The following BCAS3 variants were observed in gnomAD, a reference collection of about 807,000 sequenced individuals.
BCAS3 encodes BCAS4/BCAS3 fusion.
Under a neutral mutation model 116.1 loss-of-function variants are expected in BCAS3, and 53 were observed. The observed-to-expected ratio is 0.46, with a 90% CI of 0.37 to 0.57. The LOEUF (loss-of-function observed/expected upper bound fraction) is 0.57, where lower values mean the gene tolerates loss of function less well. Ranked by LOEUF, BCAS3 falls within the 20% of genes least tolerant of loss-of-function variation. The pLI, the probability that BCAS3 is intolerant of heterozygous loss-of-function variation, is 0.00. For missense variants in BCAS3, 917 were observed against 1,165.4 expected (o/e 0.79, Z 3.10); for synonymous variants, 391 against 408.2 (o/e 0.96, Z 0.51).
At chr17:61,002,706 AT>A (rs1256078475) in intron 15 of BCAS3, 1 of 152,062 alleles carries the variant, frequency 6.6e-6, no homozygotes, top group Non-Finnish European at 1.5e-5. Flanking sequence ...ATAGAGGCAA[AT>A]TTTTTAGTTA....
rs1031701395 is a variant in BCAS3 at position 61,056,309 on chromosome 17, G to T, written c.2029+15417G>T. 6.6e-6 allele frequency among the ~76,000 whole-genome samples: 1 copy of T among 152,178 alleles called. No homozygotes were observed. Among genetic ancestry groups the T allele is most frequent in the Admixed American group, 6.5e-5 (1 of 15,278 alleles). ...CCGCGAGTTGGAGTCTTGACCACCA[G>T]TAACTAACTGTGTGGCCTTAGTACA... On this transcript the variant is annotated intron_variant, in intron 19 of 23. Coordinates refer to ENST00000407086, the MANE Select transcript of BCAS3 (RefSeq NM_017679.5). This position sits in a 1 kb window ranked among gnomAD's most constrained non-coding sequence, Gnocchi z 4.9.
intron 22 of BCAS3, among the ~76,000 whole-genome samples, chr17:61,304,702 C>A (rs2053702862): frequency 6.6e-6 from 1 of 152,132 alleles, no homozygotes; most frequent in African/African-American, 2.4e-5. Flanking sequence ...AATTGAACAT[C>A]CAACATGTCT....
Position 61,118,465 on chromosome 17 carries a change from G to A in BCAS3, c.2425+33901G>A, listed in dbSNP as rs907884534. Among the ~76,000 whole-genome samples, 2 of 152,174 alleles carry A rather than the reference G, an allele frequency of 1.3e-5. No homozygotes were observed. The highest frequency in any genetic ancestry group is 2.9e-5 in the Non-Finnish European group (2 of 68,032). On this transcript the variant is annotated intron_variant, in intron 22 of 23. Transcript: ENST00000407086. The surrounding 1 kb of genome is among the most constrained non-coding windows in gnomAD (Gnocchi z 5.0). ...CATTTGTCCTGCACCAAAACTGCAC[G>A]TGTGTGTTAGGAGGTGGTTCTTGTT... is the stretch of plus-strand genomic sequence containing the variant.
chr17:60,695,583 C>A (rs995066031), intron 4 of BCAS3, among the ~76,000 whole-genome samples: 1 of 152,100 alleles, frequency 6.6e-6, no homozygotes, highest in African/African-American at 2.4e-5. Context: ...AACCACCATA[C>A]TGTTTTCCAT....
intron 4 of BCAS3, among the ~76,000 whole-genome samples, chr17:60,698,333 T>C (rs2035916883): frequency 1.3e-5 from 2 of 151,884 alleles, no homozygotes; most frequent in Admixed American, 1.3e-4. Flanking sequence ...TCTACAAAAT[T>C]AAGGTTTTTG....
rs1471164719 is a variant in BCAS3, at chr17:61,214,834, T to A, written c.2425+130270T>A. On this transcript the variant is annotated intron_variant, in intron 22 of 23. Coordinates refer to ENST00000407086, the MANE Select transcript of BCAS3 (RefSeq NM_017679.5). The surrounding 1 kb of genome is among the most constrained non-coding windows in gnomAD (Gnocchi z 4.4). ...ACTGAAAGCTAATTCTTCAGAAGAG[T>A]ATGTTCTAGCTAAGGGTGTACTATA... is the stretch of plus-strand genomic sequence containing the variant. 6.6e-6 allele frequency among the ~76,000 whole-genome samples: 1 copy of A among 152,200 alleles called. No homozygotes were observed. Among genetic ancestry groups the A allele is most frequent in the East Asian group, 1.9e-4 (1 of 5,200 alleles).
Position 61,313,682 on chromosome 17 carries a change from C to T in BCAS3, c.2426-54645C>T, listed in dbSNP as rs1045946062. Among the ~76,000 whole-genome samples the T allele has an allele frequency of 1.3e-5, 2 of 152,174 alleles. No homozygotes were observed. The highest frequency in any genetic ancestry group is 2.9e-5 in the Non-Finnish European group (2 of 68,030). On this transcript the variant is annotated intron_variant, in intron 22 of 23. Coordinates refer to ENST00000407086, the MANE Select transcript of BCAS3 (RefSeq NM_017679.5). The surrounding 1 kb of genome is among the most constrained non-coding windows in gnomAD (Gnocchi z 4.3). ...GTACAGCATCTGGAGGAGGACTTTCCGGCCAGGGTACAGCTCCTCTAGGCT... is the reference window on the plus strand; with the variant it reads ...GTACAGCATCTGGAGGAGGACTTTCTGGCCAGGGTACAGCTCCTCTAGGCT...
rs144078489 is a variant in BCAS3 at position 60,813,685 on chromosome 17, T to C, written c.476+5609T>C. On this transcript the variant is annotated intron_variant, in intron 7 of 23. Coordinates refer to ENST00000407086, the MANE Select transcript of BCAS3 (RefSeq NM_017679.5). ...TCTTTAATTAGTTCCCAATTGTCGA[T>C]TTTGTTTTTGTTGCAATTGCTTTTG... Among the ~76,000 whole-genome samples, 12 of 151,442 alleles carry C rather than the reference T, an allele frequency of 7.9e-5. No individual in the cohort carries two copies. The East Asian group carries it at 2.4e-3, about 30-fold the overall frequency.
intron 7 of BCAS3, among the ~76,000 whole-genome samples, chr17:60,832,525 G>C (rs1239426562): frequency 2.6e-5 from 4 of 152,144 alleles, no homozygotes; most frequent in African/African-American, 9.7e-5. Context: ...TATCCCCTAA[G>C]AAATAACTGT....
intron 7 of BCAS3, among the ~76,000 whole-genome samples, chr17:60,864,856 A>G (rs759221433): frequency 1.3e-5 from 2 of 152,166 alleles, no homozygotes; most frequent in Non-Finnish European, 2.9e-5. Flanking sequence ...TAATTGGTCT[A>G]CTTTCAATAT....
At chr17:60,699,529 C>T (rs1209019779) in intron 4 of BCAS3, among the ~76,000 whole-genome samples, 2 of 152,126 alleles carry the variant, frequency 1.3e-5, no homozygotes, top group African/African-American at 4.8e-5. Context: ...CCAAAAACAC[C>T]ATTTGAATGT....
Position 61,392,080 on chromosome 17 carries a change from C to A in BCAS3, c.2697C>A (p.Thr899=). ...ATGGCTACCGATCTCCGCTGCCCAC[C>A]AATGAGAGCCAGCCCCTCAGCCTCT... ...NFDGYRSPLP[T]NESQPLSLFP... The change falls in exon 24 of 24, where the codon ACC becomes ACA. Residue 899 remains threonine, a synonymous_variant. Coordinates refer to ENST00000407086, the MANE Select transcript of BCAS3 (RefSeq NM_017679.5). This position sits in a 1 kb window ranked among gnomAD's most constrained non-coding sequence, Gnocchi z 6.4. The A allele has an allele frequency of 6.2e-7, 1 of 1,613,828 alleles. No individual in the cohort carries two copies. Among genetic ancestry groups the A allele is most frequent in the Non-Finnish European group, 8.5e-7 (1 of 1,180,002 alleles).
rs569983586 is a variant in BCAS3, at chr17:61,068,919, A to G, written c.2030-6001A>G. Among the ~76,000 whole-genome samples, 6 of 152,368 alleles carry G rather than the reference A, an allele frequency of 3.9e-5. No homozygotes were observed. The highest frequency in any genetic ancestry group is 2.1e-4 in the South Asian group (1 of 4,832). Reference sequence around the variant, plus strand: ...GTCATTCCTTCCCAAGGTAGTAAACATAGAATGTTCTTCCTACCTGGATTG... The same window carrying G: ...GTCATTCCTTCCCAAGGTAGTAAACGTAGAATGTTCTTCCTACCTGGATTG... On this transcript the variant is annotated intron_variant, in intron 19 of 23. Coordinates refer to ENST00000407086, the MANE Select transcript of BCAS3 (RefSeq NM_017679.5). The surrounding 1 kb of genome is among the most constrained non-coding windows in gnomAD (Gnocchi z 4.3).
intron 12 of BCAS3, among the ~76,000 whole-genome samples, chr17:60,917,027 T>C (rs2058813904): frequency 6.6e-6 from 1 of 152,164 alleles, no homozygotes; most frequent in Non-Finnish European, 1.5e-5. Flanking sequence ...TAAACAGAGT[T>C]ATATGACTAA....
At chr17:61,322,862 G>GAGAGAGAC (rs2055412644) in intron 22 of BCAS3, among the ~76,000 whole-genome samples, 1 of 147,304 alleles carries the variant, frequency 6.8e-6, no homozygotes, top group Non-Finnish European at 1.5e-5. Context: ...GAGACAGAGA[G>GAGAGAGAC]AGAGAGAGAG....
Position 61,371,124 on chromosome 17 carries a change from A to AAAG in BCAS3, c.2593+2631_2593+2633dup, listed in dbSNP as rs1251386952. On this transcript the variant is annotated intron_variant, in intron 23 of 23. Transcript: ENST00000407086. ...AATTGGGACCCATGGCCTCTTTATC[A>AAAG]AAGTATGAATGAAGCACAGAGAGCA... Among the ~76,000 whole-genome samples the AAAG allele has an allele frequency of 2.0e-5, 3 of 152,216 alleles. No homozygotes were observed. The East Asian group carries it at 5.8e-4, about 29-fold the overall frequency.
chr17:61,184,326 G>A (rs2079640529), intron 22 of BCAS3, among the ~76,000 whole-genome samples: 1 of 146,796 alleles, frequency 6.8e-6, no homozygotes. Flanking sequence ...TGGGCATTTG[G>A]ACAAACACCA....
Position 60,683,963 on chromosome 17 carries a change from C to T in BCAS3, c.84-19C>T. 6.2e-7 allele frequency: 1 copy of T among 1,609,426 alleles called. No individual in the cohort carries two copies. ...ATTAAGCTCTCCTGACCAGTGTTGTCCATTTCACCCTTTTCCAGAGAGCAG... is the reference window on the plus strand; with the variant it reads ...ATTAAGCTCTCCTGACCAGTGTTGTTCATTTCACCCTTTTCCAGAGAGCAG... On this transcript the variant is annotated intron_variant, in intron 2 of 23. Transcript: ENST00000407086.
rs942951862 is a variant in BCAS3 at position 61,122,007 on chromosome 17, C to T, written c.2425+37443C>T. ...CCTCCCAAAATGCTGGGATTACAGG[C>T]GTGAGCCACTGTGCCCGGCCAAAAA... On this transcript the variant is annotated intron_variant, in intron 22 of 23. Coordinates refer to ENST00000407086, the MANE Select transcript of BCAS3 (RefSeq NM_017679.5). This position sits in a 1 kb window ranked among gnomAD's most constrained non-coding sequence, Gnocchi z 4.6. Among the ~76,000 whole-genome samples the T allele has an allele frequency of 5.9e-5, 9 of 152,056 alleles. No homozygotes were observed. The highest frequency in any genetic ancestry group is 2.2e-4 in the African/African-American group (9 of 41,346).
Sources: gnomAD v4.1 joint callset for allele counts (sites outside exome capture counted in the v4.1 genomes callset) on GRCh38, gnomAD v4.1.1 for gene constraint, Gnocchi (gnomAD v3.1) non-coding constraint, MANE v1.5 for transcripts, NCBI Gene and HGNC (gene_info 2026-07-23, HGNC 2026-07-21) for gene names.